The following CC2D2B variants were observed in gnomAD, a reference collection of about 807,000 sequenced individuals.
CC2D2B encodes the protein coiled-coil and C2 domain containing 2B, also known as protein CC2D2B.
Under a neutral mutation model 161.2 loss-of-function variants are expected in CC2D2B, and 128 were observed. The observed-to-expected ratio is 0.79, with a 90% confidence interval of 0.69 to 0.92. The LOEUF (loss-of-function observed/expected upper bound fraction) is 0.92, where lower values mean the gene tolerates loss of function less well. CC2D2B is among the 40% of genes least tolerant of loss of function. The pLI, the probability that CC2D2B is intolerant of heterozygous loss-of-function variation, is 0.00. For synonymous variants in CC2D2B, 391 were observed against 449.8 expected (o/e 0.87, Z 1.65); for missense variants, 1,173 against 1,375.1 (o/e 0.85, Z 2.32).
At chr10:95,923,190 C>T (rs970024131) in intron 3 of CC2D2B, among the ~76,000 whole-genome samples, 2 of 152,108 alleles carry the variant, frequency 1.3e-5, no homozygotes, top group African/African-American at 2.4e-5. Flanking sequence ...GACCTGCCCG[C>T]CTCGGCTTCC....
chr10:95,990,168 A>G (rs570917466), intron 20 of CC2D2B, among the ~76,000 whole-genome samples: 1 of 152,312 alleles, frequency 6.6e-6, no homozygotes, highest in East Asian at 1.9e-4. Flanking sequence ...TATATATTCT[A>G]TAAGTCAGAT....
At chr10:95,986,031 T>A (rs1012176909) in intron 19 of CC2D2B, among the ~76,000 whole-genome samples, 1 of 152,080 alleles carries the variant, frequency 6.6e-6, no homozygotes, top group African/African-American at 2.4e-5. Flanking sequence ...TGCCCAAAAC[T>A]TCATTAGCAA....
chr10:95,936,752 T>TA (rs1296948039), intron 6 of CC2D2B, among the ~76,000 whole-genome samples: 7 of 151,620 alleles, frequency 4.6e-5, no homozygotes, highest in African/African-American at 7.3e-5. Context: ...GTAGGGCTTA[T>TA]AAAAAAAAGA....
chr10:95,937,119 TAGTG>T (rs1262066645), intron 6 of CC2D2B, among the ~76,000 whole-genome samples: 3 of 152,360 alleles, frequency 2.0e-5, no homozygotes, highest in Non-Finnish European at 2.9e-5. Flanking sequence ...TATATGAACC[TAGTG>T]GATGTTTAAT....
chr10:96,013,975 G>T (rs2079093399), intron 29 of CC2D2B, 98 bp downstream of exon 29: 3 of 481,384 alleles, frequency 6.2e-6, no homozygotes. Flanking sequence ...ACTTTGCCTT[G>T]TGAAATTTAA....
At chr10:95,935,372 A>T (rs2141251850) in intron 6 of CC2D2B, among the ~76,000 whole-genome samples, 1 of 152,192 alleles carries the variant, frequency 6.6e-6, no homozygotes, top group Non-Finnish European at 1.5e-5. Flanking sequence ...ACTTCACCAT[A>T]GCCTCTCATC....
chr10:95,965,785 TTGTGTGTGTGTGTG>T (rs59230785), intron 12 of CC2D2B, 97 bp from the exon 13 acceptor site: 110 of 344,448 alleles, frequency 3.2e-4, no homozygotes, highest in African/African-American at 1.6e-3. Context: ...GAGATTGGTT[TTGTGTGTGTGTGTG>T]TGTGTGTGTG....
At chr10:95,959,153 T>G (rs1437723110) in intron 11 of CC2D2B, among the ~76,000 whole-genome samples, 2 of 152,190 alleles carry the variant, frequency 1.3e-5, no homozygotes, top group Non-Finnish European at 2.9e-5. Context: ...CTTAAGTAAT[T>G]CAATAATTGT....
chr10:95,939,880 A>G (rs2075963079), intron 9 of CC2D2B, among the ~76,000 whole-genome samples: 1 of 152,170 alleles, frequency 6.6e-6, no homozygotes. Context: ...GTGAGCCCTC[A>G]TATAATGTAC....
rs1486747211 is a variant in CC2D2B at position 95,927,265 on chromosome 10, A to G, written c.269A>G (p.Asp90Gly). ...KLSPQTEVSLDESLSFFILSG... is the reference protein window; with the variant it reads ...KLSPQTEVSLGESLSFFILSG... ...TCTCCACAGACTGAAGTCTCATTGGATGAAAGTCTTTCATTTTTCATTCTG... is the reference window on the plus strand; with the variant it reads ...TCTCCACAGACTGAAGTCTCATTGGGTGAAAGTCTTTCATTTTTCATTCTG... The change falls in exon 6 of 35, where the codon GAT (aspartate) becomes GGT (glycine). Residue 90 changes from aspartate (D) to glycine (G), a missense_variant. Around this residue, in one of 3 missense-constraint regions of CC2D2B, gnomAD observed 298 missense variants for 261.2 expected, o/e 1.14. Coordinates refer to ENST00000646931, the MANE Select transcript of CC2D2B (RefSeq NM_001349008.3). The G allele has an allele frequency of 2.1e-5, 33 of 1,550,750 alleles. No homozygotes were observed. Among genetic ancestry groups the G allele is most frequent in the Non-Finnish European group, 2.9e-5 (33 of 1,145,802 alleles).
intron 17 of CC2D2B, among the ~76,000 whole-genome samples, chr10:95,981,752 C>G (rs1411956275): frequency 6.6e-6 from 1 of 152,088 alleles, no homozygotes; most frequent in Non-Finnish European, 1.5e-5. Flanking sequence ...AGGTTATTGT[C>G]TCTTATAAAC....
At chr10:95,932,115 A>G (rs1405520363) in intron 6 of CC2D2B, among the ~76,000 whole-genome samples, 1 of 152,204 alleles carries the variant, frequency 6.6e-6, no homozygotes, top group Non-Finnish European at 1.5e-5. Flanking sequence ...TGTTGCATCA[A>G]TCCTTTACCA....
intron 29 of CC2D2B, among the ~76,000 whole-genome samples, chr10:96,015,567 C>G (rs1205662857): frequency 6.6e-6 from 1 of 151,882 alleles, no homozygotes; most frequent in African/African-American, 2.4e-5. Flanking sequence ...CACCTGTAGA[C>G]TAGAACTAAG....
At chr10:95,992,429 GTTTAGAA>G in intron 21 of CC2D2B, 91 bp from the exon 22 acceptor site, 3 of 940,382 alleles carry the variant, frequency 3.2e-6, no homozygotes, top group Non-Finnish European at 4.2e-6. Flanking sequence ...AGAGAATATG[GTTTAGAA>G]TAATGGTCTC....
chr10:95,984,702 C>T (rs1333481322), intron 19 of CC2D2B: 1 of 151,770 alleles, frequency 6.6e-6, no homozygotes, highest in Admixed American at 6.6e-5. Context: ...AATAGTGAGA[C>T]CTCATCTCTA....
intron 20 of CC2D2B, among the ~76,000 whole-genome samples, chr10:95,990,226 AAAAT>A (rs1225516920): frequency 6.6e-6 from 1 of 152,188 alleles, no homozygotes; most frequent in Non-Finnish European, 1.5e-5. Flanking sequence ...GGTGCTATGA[AAAAT>A]AAAGTAGGAA....
intron 2 of CC2D2B, among the ~76,000 whole-genome samples, chr10:95,918,437 A>T (rs139720543): frequency 2.6e-5 from 4 of 152,342 alleles, no homozygotes; most frequent in African/African-American, 9.6e-5. Context: ...AGATTCTGTC[A>T]CTTTCTTTTA....
intron 34 of CC2D2B, among the ~76,000 whole-genome samples, chr10:96,029,621 C>T (rs931100141): frequency 6.6e-6 from 1 of 151,840 alleles, no homozygotes; most frequent in Admixed American, 6.6e-5. Context: ...ACAGTGGTCC[C>T]TTGGTATCAT....
At chr10:95,974,457 T>G (rs1002637437) in intron 17 of CC2D2B, among the ~76,000 whole-genome samples, 3 of 152,160 alleles carry the variant, frequency 2.0e-5, no homozygotes, top group Non-Finnish European at 4.4e-5. Context: ...GGCCTGTATA[T>G]CTCCCAGTCA....
Sources: allele counts gnomAD v4.1 joint callset (sites outside exome capture counted in the v4.1 genomes callset), GRCh38; gene constraint gnomAD v4.1.1; regional missense constraint gnomAD v4.1.1; transcripts MANE v1.5; gene names NCBI Gene and HGNC (gene_info 2026-07-23, HGNC 2026-07-21).